RXFP1: variants seen among roughly 807,000 people sequenced by gnomAD.
RXFP1 encodes the protein relaxin receptor 1.
RXFP1 carries 73 observed loss-of-function variants against 89.8 expected under a neutral mutation model. That is an observed-to-expected ratio of 0.81 (90% confidence interval 0.67 to 0.99). RXFP1 has a LOEUF of 0.99. Ranked by LOEUF, RXFP1 falls within the 50% of genes least tolerant of loss-of-function variation. The pLI is 0.00. For missense variants in RXFP1, 793 were observed against 895.5 expected (o/e 0.89, Z 1.46); for synonymous variants, 277 against 305.5 (o/e 0.91, Z 0.97).
At position 158,638,091 on chromosome 4, in the gene RXFP1, C is replaced by T. The variant is rs374319446; in HGVS notation, c.1043+12C>T. 6.1e-6 allele frequency: 9 copies of T among 1,481,114 alleles called. No individual in the cohort carries two copies. Among genetic ancestry groups the T allele is most frequent in the Non-Finnish European group, 8.4e-6 (9 of 1,069,044 alleles). 91.7% of individuals were successfully genotyped at this position (1,481,114 alleles called of 1,614,324 possible). A position where few individuals can be genotyped will look rare whatever the true frequency, so the allele number is the denominator to read the frequency against. On this transcript the variant is annotated intron_variant, in intron 13 of 17. Coordinates refer to ENST00000307765, the MANE Select transcript of RXFP1 (RefSeq NM_021634.4). ...AAACTCAAGTCTCTGTAAGTATTCACATATGGGGATAGTTTTATGATAAAA... is the reference window on the plus strand; with the variant it reads ...AAACTCAAGTCTCTGTAAGTATTCATATATGGGGATAGTTTTATGATAAAA...
At chr4:158,573,091 C>G (rs1396905936) in intron 2 of RXFP1, 1 of 298,344 alleles carries the variant, frequency 3.4e-6, no homozygotes, top group East Asian at 8.1e-5. Flanking sequence ...TCACTGCAAC[C>G]TCTGCCTCCT....
At position 158,602,870 on chromosome 4, in the gene RXFP1, C is replaced by T. The variant is rs79739507; in HGVS notation, c.393-2198C>T. 3.2e-3 allele frequency among the ~76,000 whole-genome samples: 481 copies of T among 152,334 alleles called. 1 individual carries two copies. The highest frequency in any genetic ancestry group is 0.01 in the African/African-American group (435 of 41,570). On this transcript the variant is annotated intron_variant, in intron 4 of 17. Transcript: ENST00000307765. ...CCAGGTTCAAGCGATTCTCAGAACA[C>T]ATTTTTAAGGACACACTAAACTTTC...
At chr4:158,550,576 A>T (rs1237310603) in intron 1 of RXFP1, among the ~76,000 whole-genome samples, 1 of 152,204 alleles carries the variant, frequency 6.6e-6, no homozygotes, top group Non-Finnish European at 1.5e-5. Flanking sequence ...AGCTGTTCCT[A>T]TTCAGCCATC....
intron 3 of RXFP1, among the ~76,000 whole-genome samples, chr4:158,594,396 A>C (rs1030028873): frequency 1.3e-5 from 2 of 152,122 alleles, no homozygotes; most frequent in Admixed American, 1.3e-4. Context: ...GGGTGGCACT[A>C]TCATAATTGC....
At chr4:158,618,153 G>A (rs960468590) in intron 9 of RXFP1, among the ~76,000 whole-genome samples, 3 of 152,056 alleles carry the variant, frequency 2.0e-5, no homozygotes, top group Non-Finnish European at 4.4e-5. Context: ...AGCCATAAAG[G>A]AAAGGGCAAA....
At chr4:158,622,886 G>A (rs1331948466) in intron 9 of RXFP1, among the ~76,000 whole-genome samples, 1 of 152,148 alleles carries the variant, frequency 6.6e-6, no homozygotes, top group East Asian at 1.9e-4. Context: ...AACTATGTAA[G>A]GTGATGGGTA....
At position 158,604,201 on chromosome 4, in the gene RXFP1, A is replaced by G. The variant is rs538087653; in HGVS notation, c.393-867A>G. ...GTATAAAACTGTCTTAACCTGAGTTAAGTTAACCTCCAGACAATGCGGTCT... is the reference window on the plus strand; with the variant it reads ...GTATAAAACTGTCTTAACCTGAGTTGAGTTAACCTCCAGACAATGCGGTCT... On this transcript the variant is annotated intron_variant, in intron 4 of 17. Coordinates refer to ENST00000307765, the MANE Select transcript of RXFP1 (RefSeq NM_021634.4). 6.6e-5 allele frequency among the ~76,000 whole-genome samples: 10 copies of G among 152,212 alleles called. 1 individual carries two copies. In the South Asian group the frequency reaches 2.1e-3, roughly 32 times the overall value.
intron 1 of RXFP1, among the ~76,000 whole-genome samples, chr4:158,534,752 G>GCTTA (rs1217274367): frequency 6.6e-6 from 1 of 151,538 alleles, no homozygotes; most frequent in Non-Finnish European, 1.5e-5. Flanking sequence ...GCACATCAAT[G>GCTTA]CTTAGTCCAG....
chr4:158,585,090 C>T (rs1758039816), intron 2 of RXFP1, among the ~76,000 whole-genome samples: 1 of 152,220 alleles, frequency 6.6e-6, no homozygotes, highest in Non-Finnish European at 1.5e-5. Context: ...CAGATATACA[C>T]TTTTGAAAAC....
chr4:158,544,585 C>T (rs1747727712), intron 1 of RXFP1, among the ~76,000 whole-genome samples: 1 of 152,070 alleles, frequency 6.6e-6, no homozygotes, highest in South Asian at 2.1e-4. Flanking sequence ...TACCCTAATG[C>T]TATCCCTCCC....
chr4:158,626,167 GATAGATA>G (rs1766772983), intron 9 of RXFP1, among the ~76,000 whole-genome samples: 1 of 146,600 alleles, frequency 6.8e-6, no homozygotes, highest in African/African-American at 2.5e-5. Flanking sequence ...TAGATAGATA[GATAGATA>G]GATGTAGAGA....
chr4:158,582,060 A>G (rs1410250932), intron 2 of RXFP1, among the ~76,000 whole-genome samples: 1 of 152,152 alleles, frequency 6.6e-6, no homozygotes, highest in African/African-American at 2.4e-5. Flanking sequence ...AAGGGACAGC[A>G]TTAATCTATT....
At chr4:158,598,794 T>G (rs1761118976) in intron 3 of RXFP1, among the ~76,000 whole-genome samples, 1 of 151,974 alleles carries the variant, frequency 6.6e-6, no homozygotes, top group South Asian at 2.1e-4. Context: ...AAAAGATTTT[T>G]TAAAAAATTA....
chr4:158,528,922 C>T (rs147641449), intron 1 of RXFP1, among the ~76,000 whole-genome samples: 93 of 152,382 alleles, frequency 6.1e-4, no homozygotes, highest in African/African-American at 2.2e-3. Flanking sequence ...AGAATGCCAT[C>T]TGTTCTGTCT....
chr4:158,612,394 CA>C, intron 8 of RXFP1, 32 bp downstream of exon 8: 1 of 1,423,366 alleles, frequency 7.0e-7, no homozygotes, highest in Non-Finnish European at 9.8e-7. Flanking sequence ...ATATTTCAAT[CA>C]AAGGCAAAGA....
intron 1 of RXFP1, among the ~76,000 whole-genome samples, chr4:158,569,885 ATTGT>A (rs1403877395): frequency 3.3e-5 from 5 of 152,156 alleles, no homozygotes; most frequent in Non-Finnish European, 5.9e-5. Flanking sequence ...TAATTAATTG[ATTGT>A]TAGTGTAGAT....
At chr4:158,533,967 T>TTTATTAAA (rs1272685631) in intron 1 of RXFP1, among the ~76,000 whole-genome samples, 4 of 152,210 alleles carry the variant, frequency 2.6e-5, no homozygotes, top group Non-Finnish European at 5.9e-5. Context: ...ATTAGGCATA[T>TTTATTAAA]TTATTAAATT....
At chr4:158,597,446 T>C (rs1760846290) in intron 3 of RXFP1, among the ~76,000 whole-genome samples, 2 of 152,174 alleles carry the variant, frequency 1.3e-5, no homozygotes, top group Non-Finnish European at 2.9e-5. Flanking sequence ...GCATTACTCG[T>C]CTTTTTTTAT....
chr4:158,598,212 AT>A (rs1761000453), intron 3 of RXFP1, among the ~76,000 whole-genome samples: 1 of 152,164 alleles, frequency 6.6e-6, no homozygotes, highest in Non-Finnish European at 1.5e-5. Context: ...GTCCAATAAT[AT>A]TTTTAAATGT....
Sources: gnomAD v4.1 joint callset for allele counts (sites outside exome capture counted in the v4.1 genomes callset) on GRCh38, gnomAD v4.1.1 for gene constraint, MANE v1.5 for transcripts, NCBI Gene and HGNC (gene_info 2026-07-23, HGNC 2026-07-21) for gene names.